The following GRIK2 variants were observed in gnomAD, a reference collection of about 807,000 sequenced individuals.
GRIK2 encodes the protein glutamate receptor ionotropic, kainate 2.
Under a neutral mutation model 100.3 loss-of-function variants are expected in GRIK2, and 32 were observed. The ratio of observed to expected loss-of-function variants is 0.32; its 90% confidence interval spans 0.24 to 0.43. The LOEUF is 0.43. Ranked by LOEUF, GRIK2 falls within the 20% of genes least tolerant of loss-of-function variation. The pLI, the probability that GRIK2 is intolerant of heterozygous loss-of-function variation, is 1.00. For missense variants in GRIK2, 843 were observed against 1,114.9 expected (o/e 0.76, Z 3.47); for synonymous variants, 417 against 389.4 (o/e 1.07, Z -0.83).
intron 9 of GRIK2, among the ~76,000 whole-genome samples, chr6:101,810,482 G>T (rs1781260139): frequency 6.6e-6 from 1 of 152,016 alleles, no homozygotes; most frequent in African/African-American, 2.4e-5. Context: ...AGAGTTTCAG[G>T]ACGCTGATTA....
chr6:101,925,480 T>C (rs1045027507), intron 13 of GRIK2, among the ~76,000 whole-genome samples: 5 of 151,338 alleles, frequency 3.3e-5, no homozygotes, highest in African/African-American at 1.2e-4. Flanking sequence ...TCTTTTCACA[T>C]TTAAATAAAG....
At chr6:101,759,897 C>T (rs564455201) in intron 7 of GRIK2, among the ~76,000 whole-genome samples, 3,843 of 128,234 alleles carry the variant, frequency 0.03, 88 homozygotes, top group Middle Eastern at 0.078. Flanking sequence ...TTTTTTGAGA[C>T]GGAGTCTCGC....
At chr6:101,862,049 G>C (rs553097451) in intron 11 of GRIK2, among the ~76,000 whole-genome samples, 14 of 152,258 alleles carry the variant, frequency 9.2e-5, no homozygotes, top group Non-Finnish European at 7.4e-5. Context: ...AAATTAAGTT[G>C]TAAACAGTTT....
intron 4 of GRIK2, among the ~76,000 whole-genome samples, chr6:101,665,225 G>C (rs1342897987): frequency 6.6e-6 from 1 of 152,122 alleles, no homozygotes; most frequent in Non-Finnish European, 1.5e-5. Flanking sequence ...GGCACTCTCT[G>C]TCCACTTCAT....
chr6:101,711,803 T>C (rs928823843), intron 7 of GRIK2, among the ~76,000 whole-genome samples: 4 of 149,906 alleles, frequency 2.7e-5, no homozygotes, highest in Non-Finnish European at 5.9e-5. Flanking sequence ...TCATGTATTC[T>C]GGGCACACAA....
intron 2 of GRIK2, among the ~76,000 whole-genome samples, chr6:101,595,618 A>G (rs1778880134): frequency 6.6e-6 from 1 of 151,130 alleles, no homozygotes; most frequent in South Asian, 2.1e-4. Flanking sequence ...AAACACACAC[A>G]TGTGTATGCA....
intron 7 of GRIK2, among the ~76,000 whole-genome samples, chr6:101,724,479 G>A (rs1774724058): frequency 6.6e-6 from 1 of 151,838 alleles, no homozygotes; most frequent in Non-Finnish European, 1.5e-5. Context: ...ATTTGCTTAG[G>A]ATAATGACCT....
intron 4 of GRIK2, among the ~76,000 whole-genome samples, chr6:101,661,004 A>G (rs1362154023): frequency 1.3e-5 from 2 of 152,148 alleles, no homozygotes; most frequent in Non-Finnish European, 2.9e-5. Flanking sequence ...CTCGAATGCT[A>G]TGCTGGGAGA....
intron 2 of GRIK2, among the ~76,000 whole-genome samples, chr6:101,502,492 T>TA (rs1006214676): frequency 1.3e-5 from 2 of 151,984 alleles, no homozygotes; most frequent in Non-Finnish European, 2.9e-5. Context: ...ACATAGAAAA[T>TA]AAAAAATGAA....
chr6:101,626,104 T>C (rs1293185489), intron 3 of GRIK2, among the ~76,000 whole-genome samples: 1 of 152,104 alleles, frequency 6.6e-6, no homozygotes, highest in Non-Finnish European at 1.5e-5. Flanking sequence ...AATTAAAAAA[T>C]ATTCATCCTC....
chr6:101,920,932 C>T (rs747622262), intron 12 of GRIK2, among the ~76,000 whole-genome samples: 1 of 151,812 alleles, frequency 6.6e-6, no homozygotes, highest in Middle Eastern at 3.4e-3. Context: ...ACATTAAAAT[C>T]AACTGGGAAG....
At chr6:101,747,587 A>C (rs1296249218) in intron 7 of GRIK2, among the ~76,000 whole-genome samples, 1 of 152,190 alleles carries the variant, frequency 6.6e-6, no homozygotes, top group African/African-American at 2.4e-5. Context: ...TTATATCTGT[A>C]ATAAAATTAA....
intron 2 of GRIK2, among the ~76,000 whole-genome samples, chr6:101,595,698 ATGTGTGTGTG>A (rs200462444): frequency 6.6e-5 from 9 of 136,698 alleles, no homozygotes; most frequent in African/African-American, 2.5e-4. Context: ...GTATATATAT[ATGTGTGTGTG>A]TGTGTGTGTG....
chr6:101,996,367 A>C (rs1437292561), intron 14 of GRIK2, among the ~76,000 whole-genome samples: 2 of 152,068 alleles, frequency 1.3e-5, no homozygotes, highest in Admixed American at 1.3e-4. Context: ...TGAAGAAATA[A>C]TGTTTTTAAC....
At chr6:101,761,690 G>T (rs755384524) in intron 7 of GRIK2, among the ~76,000 whole-genome samples, 1 of 151,982 alleles carries the variant, frequency 6.6e-6, no homozygotes, top group Non-Finnish European at 1.5e-5. Context: ...TTCTGGTCAC[G>T]ATTTTTCAAG....
intron 14 of GRIK2, among the ~76,000 whole-genome samples, chr6:101,978,680 T>C (rs1793542692): frequency 2.0e-5 from 3 of 152,004 alleles, no homozygotes; most frequent in Non-Finnish European, 4.4e-5. Context: ...AGAAATATTA[T>C]GAAAAAGTAG....
chr6:101,821,671 T>A (rs1781957656), intron 10 of GRIK2, among the ~76,000 whole-genome samples: 2 of 152,160 alleles, frequency 1.3e-5, no homozygotes, highest in African/African-American at 2.4e-5. Flanking sequence ...AAATTCCTTT[T>A]TCTGAATACT....
At chr6:101,683,081 T>C (rs1461375161) in intron 6 of GRIK2, among the ~76,000 whole-genome samples, 1 of 151,962 alleles carries the variant, frequency 6.6e-6, no homozygotes, top group African/African-American at 2.4e-5. Context: ...TGGGTGCCTG[T>C]AGTCACAGCT....
At chr6:101,590,417 A>G (rs542496961) in intron 2 of GRIK2, among the ~76,000 whole-genome samples, 156 of 152,148 alleles carry the variant, frequency 1.0e-3, no homozygotes, top group African/African-American at 3.4e-3. Flanking sequence ...CTGTGGGGAC[A>G]GGTATGTGGG....
Sources: gnomAD v4.1 joint callset for allele counts (sites outside exome capture counted in the v4.1 genomes callset) on GRCh38, gnomAD v4.1.1 for gene constraint, MANE v1.5 for transcripts, NCBI Gene and HGNC (gene_info 2026-07-23, HGNC 2026-07-21) for gene names.